The following MSMB variants were observed in gnomAD, a reference collection of about 807,000 sequenced individuals.
MSMB encodes the protein microseminoprotein beta, also known as beta-microseminoprotein.
MSMB carries 10 observed loss-of-function variants against 10.5 expected under a neutral mutation model. That is an observed-to-expected ratio of 0.95 (90% CI 0.59 to 1.62). The LOEUF (loss-of-function observed/expected upper bound fraction) is 1.62, where lower values mean the gene tolerates loss of function less well. Ranked by LOEUF, MSMB falls within the 40% of genes most tolerant of loss-of-function variation. MSMB has a pLI of 0.00. For synonymous variants in MSMB, 43 were observed against 46.5 expected (o/e 0.93, Z 0.30); for missense variants, 126 against 137.4 (o/e 0.92, Z 0.42).
chr10:46,034,395 G>T (rs951196514), intron 3 of MSMB, among the ~76,000 whole-genome samples: 15 of 151,784 alleles, frequency 9.9e-5, no homozygotes, highest in Non-Finnish European at 7.4e-5. Context: ...CTCCCAAAGT[G>T]CTGGGATTAC....
chr10:46,040,847 G>A (rs762502553), intron 1 of MSMB, among the ~76,000 whole-genome samples: 4 of 152,100 alleles, frequency 2.6e-5, no homozygotes, highest in Non-Finnish European at 5.9e-5. Flanking sequence ...CCAGCTACTC[G>A]GGAGTCTGAG....
chr10:46,038,501 G>C (rs1840666500), intron 3 of MSMB, among the ~76,000 whole-genome samples: 2 of 152,082 alleles, frequency 1.3e-5, no homozygotes, highest in African/African-American at 4.8e-5. Context: ...TGTTAGCTAG[G>C]AGGGTCTCGA....
intron 1 of MSMB, among the ~76,000 whole-genome samples, chr10:46,042,393 G>A (rs1554928764): frequency 6.6e-6 from 1 of 152,190 alleles, no homozygotes; most frequent in Non-Finnish European, 1.5e-5. Context: ...TAATGGGATG[G>A]TGAGAATAAT....
chr10:46,042,761 G>T (rs12772958), intron 1 of MSMB, among the ~76,000 whole-genome samples: 2 of 152,186 alleles, frequency 1.3e-5, no homozygotes, highest in African/African-American at 2.4e-5. Flanking sequence ...CACATGTCAC[G>T]ACATGAAATG....
At position 46,037,702 on chromosome 10, in the gene MSMB, T is replaced by C. The variant is rs140572466; in HGVS notation, c.215+1264A>G. 1.6e-3 allele frequency among the ~76,000 whole-genome samples: 245 copies of C among 152,288 alleles called. 1 individual carries two copies. Among genetic ancestry groups the C allele is most frequent in the African/African-American group, 5.5e-3 (227 of 41,572 alleles). ...CTATGCTCAGAGCCACTGCTATTTC[T>C]ACAAATCTACAAGGCCCAGACTGAG... On this transcript the variant is annotated intron_variant, in intron 3 of 3. Coordinates refer to ENST00000582163, the MANE Select transcript of MSMB (RefSeq NM_002443.4).
chr10:46,044,235 A>G (rs1448435623), intron 1 of MSMB, among the ~76,000 whole-genome samples: 1 of 151,916 alleles, frequency 6.6e-6, no homozygotes, highest in Admixed American at 6.6e-5. Context: ...GATTTTCTAG[A>G]TGGTACAGCG....
At chr10:46,046,171 T>C in intron 1 of MSMB, 64 bp downstream of exon 1, 1 of 1,520,750 alleles carries the variant, frequency 6.6e-7, no homozygotes, top group South Asian at 1.1e-5. Flanking sequence ...CACACGCATA[T>C]TAAAATAGGA....
intron 3 of MSMB, among the ~76,000 whole-genome samples, chr10:46,033,862 A>G (rs1018039737): frequency 2.6e-5 from 4 of 152,324 alleles, no homozygotes; most frequent in Admixed American, 2.6e-4. Flanking sequence ...CTGTTCAGGA[A>G]GTGGCCAGCA....
At chr10:46,043,061 T>C (rs1840788121) in intron 1 of MSMB, among the ~76,000 whole-genome samples, 2 of 152,172 alleles carry the variant, frequency 1.3e-5, no homozygotes, top group Admixed American at 1.3e-4. Flanking sequence ...TCGAAATCAT[T>C]GTGGAAACCT....
At chr10:46,041,159 C>G (rs1554928541) in intron 1 of MSMB, among the ~76,000 whole-genome samples, 2 of 151,956 alleles carry the variant, frequency 1.3e-5, no homozygotes, top group African/African-American at 4.8e-5. Context: ...CCCTGGGCAA[C>G]ATGATGAAAC....
At position 46,039,035 on chromosome 10, in the gene MSMB, T is replaced by A. The variant is rs959134319; in HGVS notation, c.146A>T (p.Asn49Ile). ...MDLKGNKHPI[N>I]SEWQTDNCET... ...ACAGTTGTCAGTCTGCCACTCCGAG[T>A]TTATTGGGTGTTTGTTTCCTTTGAG... The change falls in exon 3 of 4, where the codon AAC (asparagine) becomes ATC (isoleucine). Residue 49 changes from asparagine (N) to isoleucine (I), a missense_variant. Asn to Ile is a moderately radical substitution (Grantham distance 149). Coordinates refer to ENST00000582163, the MANE Select transcript of MSMB (RefSeq NM_002443.4). 6.2e-7 allele frequency: 1 copy of A among 1,614,000 alleles called. No homozygotes were observed. The highest frequency in any genetic ancestry group is 8.5e-7 in the Non-Finnish European group (1 of 1,179,980).
intron 1 of MSMB, among the ~76,000 whole-genome samples, chr10:46,040,914 A>C (rs1554928484): frequency 1.3e-5 from 2 of 151,832 alleles, no homozygotes; most frequent in African/African-American, 2.4e-5. Context: ...AGATCTGGCC[A>C]CTGCACTCCA....
At chr10:46,034,184 C>G (rs1048348591) in intron 3 of MSMB, among the ~76,000 whole-genome samples, 16 of 152,180 alleles carry the variant, frequency 1.1e-4, no homozygotes, top group African/African-American at 2.7e-4. Flanking sequence ...ACGATCTCAG[C>G]TCACTTCAGC....
chr10:46,040,229 A>C, intron 1 of MSMB, 138 bp from the exon 2 acceptor site: 1 of 513,776 alleles, frequency 1.9e-6, no homozygotes, highest in Non-Finnish European at 3.3e-6. Flanking sequence ...CAAACCAGTT[A>C]ATCTAGGCTG....
chr10:46,038,871 T>G (rs1390799805), intron 3 of MSMB, 95 bp downstream of exon 3: 1 of 1,044,780 alleles, frequency 9.6e-7, no homozygotes, highest in Non-Finnish European at 1.4e-6. Context: ...AAACAAAAAC[T>G]AAACCCCTGA....
At chr10:46,045,171 T>C (rs985486247) in intron 1 of MSMB, among the ~76,000 whole-genome samples, 34 of 152,290 alleles carry the variant, frequency 2.2e-4, no homozygotes, top group African/African-American at 8.2e-4. Flanking sequence ...TAGTAAAGAA[T>C]GTTTTAAGAA....
intron 3 of MSMB, among the ~76,000 whole-genome samples, chr10:46,035,293 G>T (rs1840576439): frequency 6.6e-6 from 1 of 152,152 alleles, no homozygotes; most frequent in African/African-American, 2.4e-5. Context: ...TATCCCAAAA[G>T]AATTGAAAGC....
chr10:46,034,222 C>G (rs1554927233), intron 3 of MSMB, among the ~76,000 whole-genome samples: 1 of 152,100 alleles, frequency 6.6e-6, no homozygotes, highest in Non-Finnish European at 1.5e-5. Flanking sequence ...AAGCGATTCT[C>G]CTGCCTCAGC....
intron 3 of MSMB, among the ~76,000 whole-genome samples, chr10:46,035,762 G>A (rs1207381730): frequency 6.6e-6 from 1 of 152,040 alleles, no homozygotes; most frequent in African/African-American, 2.4e-5. Flanking sequence ...ACTTAATGCC[G>A]CTGAATTGTA....
Sources: gnomAD v4.1 joint callset for allele counts (sites outside exome capture counted in the v4.1 genomes callset) on GRCh38, gnomAD v4.1.1 for gene constraint, MANE v1.5 for transcripts, NCBI Gene and HGNC (gene_info 2026-07-23, HGNC 2026-07-21) for gene names.